Variants in SHROOM3 observed in about 807,000 individuals in gnomAD.
SHROOM3 encodes the protein protein Shroom3.
SHROOM3 carries 47 observed loss-of-function variants against 138.6 expected under a neutral mutation model. The observed-to-expected ratio is 0.34, with a 90% confidence interval of 0.27 to 0.43. The LOEUF is 0.43. Among genes scored for constraint, SHROOM3 ranks in the 20% least tolerant of loss-of-function variants. SHROOM3 has a pLI of 1.00. For missense variants in SHROOM3, 2,491 were observed against 2,596.5 expected, an observed-to-expected ratio of 0.96 and a Z score of 0.88; for synonymous variants, 1,062 against 1,063.3, an observed-to-expected ratio of 1.00 and a Z score of 0.02.
chr4:76,610,437 A>G (rs1406720743), intron 2 of SHROOM3, among the ~76,000 whole-genome samples: 1 of 152,226 alleles, frequency 6.6e-6, no homozygotes, highest in African/African-American at 2.4e-5. Flanking sequence ...TGAAGATTAT[A>G]TTGAAACACC....
intron 2 of SHROOM3, among the ~76,000 whole-genome samples, chr4:76,678,787 A>G (rs1045452076): frequency 1.3e-5 from 2 of 152,140 alleles, no homozygotes; most frequent in Admixed American, 1.3e-4. Context: ...CAGCCTCCCG[A>G]GTAGCTGGGA....
intron 1 of SHROOM3, 113 bp from the exon 2 acceptor site, chr4:76,555,496 C>T: frequency 6.7e-7 from 1 of 1,492,096 alleles, no homozygotes; most frequent in Non-Finnish European, 9.2e-7. Context: ...GGGGTGTGGC[C>T]CTAGCTGGTC....
intron 2 of SHROOM3, chr4:76,575,677 C>T (rs1407606398): frequency 1.3e-5 from 2 of 152,100 alleles, no homozygotes; most frequent in Non-Finnish European, 2.9e-5. Flanking sequence ...AAAGTAATCC[C>T]ATTTACAATA....
chr4:76,528,237 TG>T (rs1203736676), intron 1 of SHROOM3, among the ~76,000 whole-genome samples: 1 of 152,206 alleles, frequency 6.6e-6, no homozygotes, highest in Non-Finnish European at 1.5e-5. Context: ...AATTTCTACT[TG>T]GTAATAGAAA....
chr4:76,752,618 C>CT (rs945954836), intron 6 of SHROOM3, among the ~76,000 whole-genome samples: 9 of 151,986 alleles, frequency 5.9e-5, no homozygotes, highest in African/African-American at 1.2e-4. Flanking sequence ...TGAACAAAGT[C>CT]TTTTTTTATC....
intron 2 of SHROOM3, among the ~76,000 whole-genome samples, chr4:76,697,088 T>A (rs1228593884): frequency 7.4e-6 from 1 of 134,730 alleles, no homozygotes; most frequent in African/African-American, 2.8e-5. Flanking sequence ...AGCTAATTAA[T>A]TTTTTTTTTT....
rs1308591285 is a variant in SHROOM3 at position 76,754,550 on chromosome 4, C to A, written c.4067C>A (p.Thr1356Asn). The A allele has an allele frequency of 6.2e-7, 1 of 1,613,704 alleles. No homozygotes were observed. Among genetic ancestry groups the A allele is most frequent in the South Asian group, 1.1e-5 (1 of 91,032 alleles). ...GCTGCACCCCTGACCCCAATTGGCA[C>A]CCCTCTGCCTTCAGCCATTCCCTCT... ...TRAAPLTPIG[T>N]PLPSAIPSGY... Residue 1356 changes from threonine to asparagine, a missense_variant, in exon 7 of 11, where the codon ACC becomes AAC. Physicochemically the swap from Thr to Asn is moderately conservative, Grantham distance 65. This residue lies in a region of SHROOM3 where 1,733 missense variants were observed against 1,661.6 expected (regional missense o/e 1.04). Coordinates refer to ENST00000296043, the MANE Select transcript of SHROOM3 (RefSeq NM_020859.4).
chr4:76,568,322 G>A (rs763005958), intron 2 of SHROOM3, among the ~76,000 whole-genome samples: 6 of 152,134 alleles, frequency 3.9e-5, no homozygotes, highest in Non-Finnish European at 8.8e-5. Context: ...TCCCCTTCAC[G>A]GGTATAATAA....
intron 2 of SHROOM3, chr4:76,689,459 C>T: frequency 1.4e-5 from 13 of 932,324 alleles, no homozygotes; most frequent in Non-Finnish European, 1.7e-5. Flanking sequence ...GCGCCCCGCA[C>T]CCTCGGCGCG....
intron 1 of SHROOM3, among the ~76,000 whole-genome samples, chr4:76,498,338 A>G (rs1732012683): frequency 1.3e-5 from 2 of 152,126 alleles, no homozygotes; most frequent in Admixed American, 1.3e-4. Context: ...TAGTTCAAGG[A>G]AGATAGATTA....
chr4:76,666,171 C>T (rs1326547341), intron 2 of SHROOM3, among the ~76,000 whole-genome samples: 3 of 152,198 alleles, frequency 2.0e-5, no homozygotes, highest in Admixed American at 6.5e-5. Flanking sequence ...TCTGCATTGT[C>T]GGTCTAGGGT....
chr4:76,547,434 G>A (rs553812337), intron 1 of SHROOM3, among the ~76,000 whole-genome samples: 1 of 152,222 alleles, frequency 6.6e-6, no homozygotes, highest in East Asian at 1.9e-4. Context: ...AAAGTTACTG[G>A]AACACACGAA....
chr4:76,750,009 C>T (rs924191506), intron 6 of SHROOM3, among the ~76,000 whole-genome samples: 1 of 152,158 alleles, frequency 6.6e-6, no homozygotes, highest in Non-Finnish European at 1.5e-5. Flanking sequence ...ATTGTTTCTA[C>T]ATTCACCTTC....
Position 76,778,870 on chromosome 4 carries a change from A to C in SHROOM3, c.5684A>C (p.Lys1895Thr). 6.2e-7 allele frequency: 1 copy of C among 1,613,034 alleles called. No homozygotes were observed. Among genetic ancestry groups the C allele is most frequent in the Non-Finnish European group, 8.5e-7 (1 of 1,180,024 alleles). The change falls in exon 11 of 11, where the codon AAG becomes ACG. Residue 1895 changes from lysine to threonine, a missense_variant. Transcript: ENST00000296043. ...AGQHEDAREL[K>T]ENLDRRERVV... ...CAGCATGAGGATGCCCGGGAGCTGA[A>C]GGAGAACCTGGATCGCAGGGAGCGA...
intron 2 of SHROOM3, among the ~76,000 whole-genome samples, chr4:76,583,008 T>C (rs1254674899): frequency 6.6e-6 from 1 of 152,238 alleles, no homozygotes; most frequent in Non-Finnish European, 1.5e-5. Context: ...GAAGTCAAGA[T>C]GTTTGTGAGA....
At chr4:76,573,411 T>C (rs143035086) in intron 2 of SHROOM3, among the ~76,000 whole-genome samples, 32,269 of 147,612 alleles carry the variant, frequency 0.22, 4,366 homozygotes, top group Middle Eastern at 0.34. Flanking sequence ...ATAATAATAA[T>C]AATAATAATA....
At chr4:76,499,557 T>C (rs1355080948) in intron 1 of SHROOM3, among the ~76,000 whole-genome samples, 1 of 152,238 alleles carries the variant, frequency 6.6e-6, no homozygotes, top group Non-Finnish European at 1.5e-5. Context: ...AATATTGTGC[T>C]ATACACTAGA....
intron 2 of SHROOM3, among the ~76,000 whole-genome samples, chr4:76,687,979 TC>T (rs912668529): frequency 1.4e-4 from 22 of 151,870 alleles, no homozygotes; most frequent in Non-Finnish European, 2.8e-4. Flanking sequence ...TACTTCTTAC[TC>T]CCCCCCACGC....
chr4:76,716,255 C>G lies in SHROOM3; in HGVS notation c.455+5968C>G, dbSNP rs934329487. The G allele has an allele frequency of 2.2e-5, 11 of 510,108 alleles. No individual in the cohort carries two copies. The Middle Eastern group carries it at 1.3e-3, about 59-fold the overall frequency. The allele number at this position is 510,108 out of a possible 1,614,324, so 31.6% of individuals were successfully genotyped here. A position where few individuals can be genotyped will look rare whatever the true frequency, so the allele number is the denominator to read the frequency against. On this transcript the variant is annotated intron_variant, in intron 3 of 10. Coordinates refer to ENST00000296043, the MANE Select transcript of SHROOM3 (RefSeq NM_020859.4). ...GCAAGTTCAAGGCGATTCAGGCCGTCCAACTGGAGGCACATGTAGTACTTG... is the reference window on the plus strand; with the variant it reads ...GCAAGTTCAAGGCGATTCAGGCCGTGCAACTGGAGGCACATGTAGTACTTG...
Sources: allele counts gnomAD v4.1 joint callset (sites outside exome capture counted in the v4.1 genomes callset), GRCh38; gene constraint gnomAD v4.1.1; regional missense constraint gnomAD v4.1.1; transcripts MANE v1.5; gene names NCBI Gene and HGNC (gene_info 2026-07-23, HGNC 2026-07-21).